The following KMO variants were observed in gnomAD, a reference collection of about 807,000 sequenced individuals.
KMO encodes kynurenine 3-monooxygenase.
KMO carries 24 observed loss-of-function variants against 57.8 expected under a neutral mutation model. That is an observed-to-expected ratio of 0.42 (90% CI 0.30 to 0.58). The LOEUF (loss-of-function observed/expected upper bound fraction) is 0.58, where lower values mean the gene tolerates loss of function less well. KMO is among the 20% of genes least tolerant of loss of function. The pLI is 0.22. For missense variants in KMO, 483 were observed against 588.2 expected (o/e 0.82, Z 1.85); for synonymous variants, 210 against 193.6 (o/e 1.08, Z -0.70).
intron 1 of KMO, among the ~76,000 whole-genome samples, chr1:241,544,958 T>C (rs1661089838): frequency 6.6e-6 from 1 of 152,220 alleles, no homozygotes; most frequent in Admixed American, 6.5e-5. Flanking sequence ...TCATTAAACA[T>C]TGATACATTT....
rs1663430221 is a variant in KMO, at chr1:241,594,359, C to T, written c.*2206C>T. 6.6e-7 allele frequency: 1 copy of T among 1,524,242 alleles called. No individual in the cohort carries two copies. The highest frequency in any genetic ancestry group is 8.9e-7 in the Non-Finnish European group (1 of 1,119,476). The allele number at this position is 1,524,242 out of a possible 1,614,324, so 94.4% of individuals were successfully genotyped here. A position where few individuals can be genotyped will look rare whatever the true frequency, so the allele number is the denominator to read the frequency against. On this transcript the variant is annotated 3_prime_UTR_variant, in exon 15 of 15. Transcript: ENST00000366559. ...TTACATAGAACGGGTATTCCAGACACTTCTTATGATGAAAGTCCAAAAGTG... is the reference window on the plus strand; with the variant it reads ...TTACATAGAACGGGTATTCCAGACATTTCTTATGATGAAAGTCCAAAAGTG...
At chr1:241,567,134 T>C (rs1220937115) in intron 9 of KMO, among the ~76,000 whole-genome samples, 1 of 152,208 alleles carries the variant, frequency 6.6e-6, no homozygotes, top group African/African-American at 2.4e-5. Context: ...TATTAAGTTG[T>C]CTCTCTAGAC....
At chr1:241,582,739 ATC>A (rs1399392220) in intron 10 of KMO, among the ~76,000 whole-genome samples, 1 of 152,178 alleles carries the variant, frequency 6.6e-6, no homozygotes, top group Admixed American at 6.5e-5. Context: ...AAGGTCATAT[ATC>A]TTTGTCACTC....
chr1:241,566,736 C>A, intron 9 of KMO, 124 bp downstream of exon 9: 1 of 1,018,640 alleles, frequency 9.8e-7, no homozygotes, highest in Non-Finnish European at 1.5e-6. Context: ...GGACAGAAAC[C>A]TACATTAGAG....
chr1:241,592,169 G>C lies in KMO; in HGVS notation c.*16G>C. 6.3e-7 allele frequency: 1 copy of C among 1,596,414 alleles called. No homozygotes were observed. The highest frequency in any genetic ancestry group is 8.6e-7 in the Non-Finnish European group (1 of 1,165,722). ...TAGCAGGTGATAGAAAGGTTTTGTG[G>C]TAGCAAATGCATGATTTCTCTGTGA... On this transcript the variant is annotated 3_prime_UTR_variant, in exon 15 of 15. Transcript: ENST00000366559.
chr1:241,590,320 A>G, intron 14 of KMO, 57 bp downstream of exon 14: 2 of 1,310,066 alleles, frequency 1.5e-6, no homozygotes, highest in Non-Finnish European at 2.2e-6. Flanking sequence ...ATGTCATAGT[A>G]TTATGATTAT....
At position 241,534,602 on chromosome 1, in the gene KMO, C is replaced by A. The variant is rs10926509; in HGVS notation, c.54+2104C>A. ...ATTCTTCTTTCACTCCATCAGTAAG[C>A]CTTGAGGCTCTATATCCAAAATACA... On this transcript the variant is annotated intron_variant, in intron 1 of 14. Coordinates refer to ENST00000366559, the MANE Select transcript of KMO (RefSeq NM_003679.5). Among the ~76,000 whole-genome samples, 1,479 of 152,368 alleles carry A rather than the reference C, an allele frequency of 9.7e-3. 11 individuals carry two copies. Among genetic ancestry groups the A allele is most frequent in the Non-Finnish European group, 0.014 (942 of 68,032 alleles).
intron 1 of KMO, among the ~76,000 whole-genome samples, chr1:241,538,681 A>T (rs1660835891): frequency 6.6e-6 from 1 of 152,184 alleles, no homozygotes; most frequent in Non-Finnish European, 1.5e-5. Flanking sequence ...AAAAACTCTC[A>T]TTAGTGGCCC....
chr1:241,550,804 G>A, intron 3 of KMO, 151 bp from the exon 4 acceptor site: 1 of 497,758 alleles, frequency 2.0e-6, no homozygotes, highest in Middle Eastern at 5.1e-4. Flanking sequence ...TTCATTGAAG[G>A]AGTTTCTACC....
At chr1:241,554,996 GTA>G (rs1558417823) in intron 4 of KMO, among the ~76,000 whole-genome samples, 1 of 150,824 alleles carries the variant, frequency 6.6e-6, no homozygotes, top group East Asian at 2.0e-4. Context: ...AAAAAAAAAA[GTA>G]TTGTACGCCC....
chr1:241,536,041 T>C (rs1315589975), intron 1 of KMO, among the ~76,000 whole-genome samples: 4 of 152,234 alleles, frequency 2.6e-5, no homozygotes, highest in African/African-American at 7.2e-5. Flanking sequence ...TAAAATATTT[T>C]CTGTGCATGA....
At chr1:241,563,895 T>C in intron 7 of KMO, among the ~76,000 whole-genome samples, 1 of 152,190 alleles carries the variant, frequency 6.6e-6, no homozygotes, top group East Asian at 1.9e-4. Flanking sequence ...ACACTTGCAC[T>C]CTTCTGATGG....
At chr1:241,546,945 T>G (rs1661170617) in intron 1 of KMO, among the ~76,000 whole-genome samples, 1 of 152,226 alleles carries the variant, frequency 6.6e-6, no homozygotes, top group Non-Finnish European at 1.5e-5. Flanking sequence ...AAAGTGGGAC[T>G]GGCCAGAGAC....
At chr1:241,586,519 A>G (rs1303566986) in intron 10 of KMO, 160 bp from the exon 11 acceptor site, 1 of 639,038 alleles carries the variant, frequency 1.6e-6, no homozygotes, top group East Asian at 2.9e-5. Flanking sequence ...ATTTTTAACC[A>G]TAATTCAATA....
intron 10 of KMO, among the ~76,000 whole-genome samples, chr1:241,571,978 T>C (rs1357168570): frequency 6.7e-6 from 1 of 149,308 alleles, no homozygotes; most frequent in Non-Finnish European, 1.5e-5. Flanking sequence ...GCGATTTTCC[T>C]GCCACAGCCT....
intron 1 of KMO, among the ~76,000 whole-genome samples, chr1:241,542,972 G>A (rs980955301): frequency 3.3e-5 from 5 of 152,044 alleles, no homozygotes; most frequent in African/African-American, 9.7e-5. Context: ...CTGAACCGAC[G>A]TAACACCTAC....
rs1265827043 is a variant in KMO, at chr1:241,593,595, AGACAGATT to A, written c.*1447_*1454del. On this transcript the variant is annotated 3_prime_UTR_variant, in exon 15 of 15. Transcript: ENST00000366559. ...CCTTGGCTGGGGCCCCTATAACAAAAGACAGATTGACAAGAGAAAAACAAACATAAATT... is the reference window on the plus strand; with the variant it reads ...CCTTGGCTGGGGCCCCTATAACAAAAGACAAGAGAAAAACAAACATAAATT... 1 of 229,396 alleles carries A rather than the reference AGACAGATT, an allele frequency of 4.4e-6. No individual in the cohort carries two copies. Among genetic ancestry groups the A allele is most frequent in the Admixed American group, 4.3e-5 (1 of 22,994 alleles). The allele number at this position is 229,396 out of a possible 1,614,324, so 14.2% of individuals were successfully genotyped here. A position where few individuals can be genotyped will look rare whatever the true frequency, so the allele number is the denominator to read the frequency against.
chr1:241,536,111 G>A (rs1660741746), intron 1 of KMO, among the ~76,000 whole-genome samples: 2 of 151,880 alleles, frequency 1.3e-5, no homozygotes, highest in African/African-American at 4.8e-5. Flanking sequence ...AATTTTTAAA[G>A]AGTTTTTTTT....
intron 1 of KMO, among the ~76,000 whole-genome samples, chr1:241,542,430 T>G (rs1389660958): frequency 6.6e-6 from 1 of 152,238 alleles, no homozygotes; most frequent in Non-Finnish European, 1.5e-5. Flanking sequence ...TCCATAATTA[T>G]GTAACCAAGG....
Sources: allele counts gnomAD v4.1 joint callset (sites outside exome capture counted in the v4.1 genomes callset), GRCh38; gene constraint gnomAD v4.1.1; transcripts MANE v1.5; gene names NCBI Gene and HGNC (gene_info 2026-07-23, HGNC 2026-07-21).